DCDC2: variants seen among roughly 807,000 people sequenced by gnomAD.
The protein encoded by DCDC2 is doublecortin domain-containing protein 2.
DCDC2 carries 40 observed loss-of-function variants against 50.2 expected under a neutral mutation model. The ratio of observed to expected loss-of-function variants is 0.80; its 90% CI spans 0.62 to 1.04. The LOEUF (loss-of-function observed/expected upper bound fraction) is 1.04. Ranked by LOEUF, DCDC2 falls within the 50% of genes least tolerant of loss-of-function variation. The probability of loss-of-function intolerance (pLI) is 0.00; values close to 1 mark genes in which losing one functional copy is unlikely to be tolerated. For missense variants in DCDC2, 570 were observed against 581.9 expected, an observed-to-expected ratio of 0.98 and a Z score of 0.21; for synonymous variants, 234 against 210.6, an observed-to-expected ratio of 1.11 and a Z score of -0.96.
chr6:24,202,525 C>G (rs1761611052), intron 8 of DCDC2, among the ~76,000 whole-genome samples: 1 of 152,256 alleles, frequency 6.6e-6, no homozygotes, highest in Admixed American at 6.5e-5. Flanking sequence ...CAGCCAATAT[C>G]ATACTGAATG....
intron 2 of DCDC2, among the ~76,000 whole-genome samples, chr6:24,344,958 TTGGAAGAATTTGCAAAA>T (rs1760229301): frequency 6.6e-6 from 1 of 152,216 alleles, no homozygotes; most frequent in African/African-American, 2.4e-5. Context: ...TTCAATATTT[TTGGAAGAATTTGCAAAA>T]GTGTGTTTTA....
chr6:24,381,233 A>T, the DCDC2 span, among the ~76,000 whole-genome samples: 1 of 152,222 alleles, frequency 6.6e-6, no homozygotes, highest in African/African-American at 2.4e-5. Context: ...TAGCATTTGT[A>T]TGTGTGGTGA....
chr6:24,312,308 C>G (rs978550558), intron 2 of DCDC2, among the ~76,000 whole-genome samples: 1 of 152,146 alleles, frequency 6.6e-6, no homozygotes, highest in East Asian at 1.9e-4. Flanking sequence ...GGTCTCTTCA[C>G]ATGGACACGT....
In DCDC2 at chr6:24,306,539, T is replaced by TAGACAGACAGACAGAC. The variant is rs1276949309; in HGVS notation, c.349-4496_349-4495insGTCTGTCTGTCTGTCT. On this transcript the variant is annotated intron_variant, in intron 2 of 9. Transcript: ENST00000378454. ...ATAGATAGATAGATAGATAGATAGA[T>TAGACAGACAGACAGAC]AGATAGACAGACAGACAGACAGACA... is the stretch of plus-strand genomic sequence containing the variant. 6.8e-4 allele frequency among the ~76,000 whole-genome samples: 74 copies of TAGACAGACAGACAGAC among 108,500 alleles called. 1 individual carries two copies. The highest frequency in any genetic ancestry group is 1.9e-3 in the African/African-American group (58 of 30,208). The allele number at this position is 108,500 out of a possible 152,430, so 71.2% of individuals were successfully genotyped here. A position where few individuals can be genotyped will look rare whatever the true frequency, so the allele number is the denominator to read the frequency against.
chr6:24,262,843 G>A (rs1183737174), intron 7 of DCDC2, among the ~76,000 whole-genome samples: 2 of 152,240 alleles, frequency 1.3e-5, no homozygotes, highest in African/African-American at 2.4e-5. Context: ...TTCACCAACT[G>A]CTGACTGAAC....
At chr6:24,308,132 T>C (rs1055969817) in intron 2 of DCDC2, among the ~76,000 whole-genome samples, 4 of 152,050 alleles carry the variant, frequency 2.6e-5, no homozygotes, top group Non-Finnish European at 5.9e-5. Flanking sequence ...TGCACGGAAG[T>C]GTAACAAAAG....
intron 7 of DCDC2, among the ~76,000 whole-genome samples, chr6:24,237,348 A>C (rs1378341015): frequency 6.6e-6 from 1 of 152,240 alleles, no homozygotes; most frequent in African/African-American, 2.4e-5. Flanking sequence ...AAACCTGCAC[A>C]TGTACCCTTA....
intron 5 of DCDC2, among the ~76,000 whole-genome samples, chr6:24,290,195 G>A (rs1203353187): frequency 2.0e-5 from 3 of 150,738 alleles, no homozygotes; most frequent in Non-Finnish European, 3.0e-5. Flanking sequence ...GGGTTTCACC[G>A]TTTTAGCCGG....
chr6:24,192,889 A>G (rs542607918), intron 8 of DCDC2, among the ~76,000 whole-genome samples: 8 of 152,226 alleles, frequency 5.3e-5, no homozygotes, highest in African/African-American at 9.6e-5. Context: ...ATATTTTAAG[A>G]ATTAAAAAGC....
At chr6:24,381,489 G>A in the DCDC2 span, among the ~76,000 whole-genome samples, 1 of 152,162 alleles carries the variant, frequency 6.6e-6, no homozygotes, top group Non-Finnish European at 1.5e-5. Context: ...CTGCCTCAGC[G>A]GCAGGCTTAA....
chr6:24,377,923 A>T, the DCDC2 span, among the ~76,000 whole-genome samples: 1 of 152,150 alleles, frequency 6.6e-6, no homozygotes, highest in East Asian at 1.9e-4. Context: ...CGGGAGGCGG[A>T]GGTTGCAGTG....
chr6:24,332,550 A>G (rs77743903), intron 2 of DCDC2, among the ~76,000 whole-genome samples: 2,271 of 152,246 alleles, frequency 0.015, 18 homozygotes, highest in African/African-American at 0.018. Flanking sequence ...AAGCAAAGAA[A>G]AGGCATCTCT....
At chr6:24,343,776 T>C (rs550716052) in intron 2 of DCDC2, among the ~76,000 whole-genome samples, 7 of 152,344 alleles carry the variant, frequency 4.6e-5, no homozygotes, top group African/African-American at 1.4e-4. Flanking sequence ...CTTATTTTGG[T>C]CAGAATTTAA....
chr6:24,300,076 T>C (rs1312189436), intron 4 of DCDC2, among the ~76,000 whole-genome samples: 3 of 151,972 alleles, frequency 2.0e-5, no homozygotes, highest in Non-Finnish European at 4.4e-5. Context: ...TATACATATG[T>C]ATGCATTTCC....
intron 2 of DCDC2, among the ~76,000 whole-genome samples, chr6:24,327,188 T>C (rs1340868749): frequency 6.7e-6 from 1 of 149,580 alleles, no homozygotes; most frequent in African/African-American, 2.4e-5. Context: ...AGTGTTGCTT[T>C]CGTCACCAAT....
chr6:24,180,610 G>T (rs1314574071), intron 8 of DCDC2, among the ~76,000 whole-genome samples: 2 of 151,956 alleles, frequency 1.3e-5, no homozygotes, highest in Non-Finnish European at 2.9e-5. Context: ...TAATGATAGG[G>T]TAGAATGATT....
the DCDC2 span, among the ~76,000 whole-genome samples, chr6:24,367,697 C>T: frequency 2.6e-5 from 4 of 152,164 alleles, no homozygotes; most frequent in Non-Finnish European, 5.9e-5. Flanking sequence ...TCTGGAGGAA[C>T]ACAGCTTCTA....
At chr6:24,344,321 A>G (rs1760214666) in intron 2 of DCDC2, among the ~76,000 whole-genome samples, 1 of 152,252 alleles carries the variant, frequency 6.6e-6, no homozygotes, top group African/African-American at 2.4e-5. Context: ...GGTATTTTAC[A>G]CATATTTAGT....
At chr6:24,296,049 G>C (rs890391278) in intron 4 of DCDC2, among the ~76,000 whole-genome samples, 169 of 152,156 alleles carry the variant, frequency 1.1e-3, no homozygotes, top group African/African-American at 3.8e-3. Context: ...CAAAGCTGGA[G>C]CCATCCTGTT....
Sources: gnomAD v4.1 joint callset for allele counts (sites outside exome capture counted in the v4.1 genomes callset) on GRCh38, gnomAD v4.1.1 for gene constraint, MANE v1.5 for transcripts, NCBI Gene and HGNC (gene_info 2026-07-23, HGNC 2026-07-21) for gene names.